CYLC2: variants seen among roughly 807,000 people sequenced by gnomAD.
CYLC2 encodes cylicin 2.
Under a neutral mutation model 26.1 loss-of-function variants are expected in CYLC2, and 30 were observed. That is an observed-to-expected ratio of 1.15 (90% CI 0.86 to 1.56). The LOEUF (loss-of-function observed/expected upper bound fraction) is 1.56, where lower values mean the gene tolerates loss of function less well. Among genes scored for constraint, CYLC2 ranks in the 40% most tolerant of loss-of-function variants. The probability of loss-of-function intolerance (pLI) is 0.00; values close to 1 mark genes in which losing one functional copy is unlikely to be tolerated. For synonymous variants in CYLC2, 158 were observed against 132.8 expected, an observed-to-expected ratio of 1.19 and a Z score of -1.31; for missense variants, 498 against 394.4, an observed-to-expected ratio of 1.26 and a Z score of -2.23.
chr9:103,005,774 G>A lies in CYLC2; in HGVS notation c.*96G>A. ...CAGCTGAATTTGTGAGAAAACAAGAGGCCTCAAAGAATTAAATAATTTTTA... is the reference window on the plus strand; with the variant it reads ...CAGCTGAATTTGTGAGAAAACAAGAAGCCTCAAAGAATTAAATAATTTTTA... On this transcript the variant is annotated 3_prime_UTR_variant, in exon 5 of 8. Transcript: ENST00000374798. 2 of 1,301,978 alleles carry A rather than the reference G, an allele frequency of 1.5e-6. No individual in the cohort carries two copies. The highest frequency in any genetic ancestry group is 1.1e-6 in the Non-Finnish European group (1 of 946,122). The allele number at this position is 1,301,978 out of a possible 1,614,324, so 80.7% of individuals were successfully genotyped here. A position where few individuals can be genotyped will look rare whatever the true frequency, so the allele number is the denominator to read the frequency against.
At chr9:103,004,634 ATTAATACAAAC>A in intron 3 of CYLC2, 50 bp from the exon 4 acceptor site, 1 of 1,173,846 alleles carries the variant, frequency 8.5e-7, no homozygotes, top group Non-Finnish European at 1.2e-6. Flanking sequence ...TTTGGGATAT[ATTAATACAAAC>A]TGTGTTATTC....
chr9:103,014,880 G>A (rs970791042), intron 6 of CYLC2, among the ~76,000 whole-genome samples: 3 of 128,094 alleles, frequency 2.3e-5, no homozygotes, highest in Non-Finnish European at 4.8e-5. Context: ...AATATACTAT[G>A]TATATTATGT....
At chr9:102,998,030 G>A (rs1254396524) in intron 1 of CYLC2, among the ~76,000 whole-genome samples, 1 of 151,682 alleles carries the variant, frequency 6.6e-6, no homozygotes, top group Non-Finnish European at 1.5e-5. Context: ...CTACATTGTT[G>A]ACAATGGGAA....
At chr9:103,013,192 A>G (rs1019063316) in intron 6 of CYLC2, among the ~76,000 whole-genome samples, 11 of 132,644 alleles carry the variant, frequency 8.3e-5, no homozygotes, top group African/African-American at 2.5e-4. Context: ...TATATTATAT[A>G]TAACATATTA....
chr9:103,004,897 T>A, intron 4 of CYLC2, 46 bp downstream of exon 4: 1 of 1,577,830 alleles, frequency 6.3e-7, no homozygotes, highest in Non-Finnish European at 8.6e-7. Context: ...AATTTTCTGA[T>A]TAGATTTCTA....
At chr9:103,014,902 T>C (rs1266771329) in intron 6 of CYLC2, among the ~76,000 whole-genome samples, 1 of 139,164 alleles carries the variant, frequency 7.2e-6, no homozygotes, top group Non-Finnish European at 1.5e-5. Flanking sequence ...ATATACATAA[T>C]ATATGTAATA....
Position 103,005,729 on chromosome 9 carries a change from G to C in CYLC2, c.*51G>C. ...AGAATAATTCAAAAGCATATTTGAT[G>C]AAACAATAGTGGTAGTCTGCAGCTG... On this transcript the variant is annotated 3_prime_UTR_variant, in exon 5 of 8. Transcript: ENST00000374798. 1 of 1,539,152 alleles carries C rather than the reference G, an allele frequency of 6.5e-7. No individual in the cohort carries two copies.
chr9:103,002,356 CCTT>C (rs1829296640), intron 2 of CYLC2, among the ~76,000 whole-genome samples: 3 of 125,820 alleles, frequency 2.4e-5, no homozygotes, highest in East Asian at 2.5e-4. Context: ...GCATTTGCCC[CCTT>C]TTTTTTTTTT....
chr9:103,001,231 T>C (rs1403846300), intron 1 of CYLC2, among the ~76,000 whole-genome samples: 1 of 151,422 alleles, frequency 6.6e-6, no homozygotes, highest in Non-Finnish European at 1.5e-5. Flanking sequence ...AATTCAACTG[T>C]GTTTTTGTAA....
At chr9:103,007,497 A>G (rs1305907526) in intron 5 of CYLC2, among the ~76,000 whole-genome samples, 1 of 152,142 alleles carries the variant, frequency 6.6e-6, no homozygotes, top group African/African-American at 2.4e-5. Context: ...GTAAGAATAT[A>G]TACATAATAT....
At chr9:103,013,321 C>T (rs1189220438) in intron 6 of CYLC2, among the ~76,000 whole-genome samples, 1 of 26,250 alleles carries the variant, frequency 3.8e-5, no homozygotes, top group Admixed American at 6.3e-4. Context: ...TTTATATAAC[C>T]TATATATATT....
chr9:103,007,836 T>C (rs1417300805), intron 5 of CYLC2, among the ~76,000 whole-genome samples: 2 of 152,122 alleles, frequency 1.3e-5, no homozygotes, highest in Non-Finnish European at 2.9e-5. Flanking sequence ...AGAGCTACCT[T>C]CCAAGGAACA....
intron 6 of CYLC2, among the ~76,000 whole-genome samples, chr9:103,015,341 T>C (rs1829488827): frequency 7.8e-6 from 1 of 128,444 alleles, no homozygotes; most frequent in African/African-American, 3.0e-5. Flanking sequence ...TATATTATGT[T>C]ATATATATTA....
chr9:103,014,490 CAATATACATAATATATGT>C (rs1192652376), intron 6 of CYLC2, among the ~76,000 whole-genome samples: 55 of 131,944 alleles, frequency 4.2e-4, no homozygotes, highest in Non-Finnish European at 5.9e-4. Context: ...GTATATTATG[CAATATACATAATATATGT>C]AATATACATA....
chr9:103,002,845 G>T (rs1015524173), intron 2 of CYLC2, among the ~76,000 whole-genome samples: 3 of 152,054 alleles, frequency 2.0e-5, no homozygotes, highest in African/African-American at 7.2e-5. Context: ...AACCTAGACT[G>T]GAAGAGATAG....
intron 1 of CYLC2, among the ~76,000 whole-genome samples, chr9:102,999,367 T>C (rs2118224060): frequency 6.6e-6 from 1 of 152,012 alleles, no homozygotes; most frequent in East Asian, 1.9e-4. Flanking sequence ...TTGGCAGCTT[T>C]AACAGTTATT....
intron 6 of CYLC2, among the ~76,000 whole-genome samples, chr9:103,015,522 T>C (rs1217722226): frequency 1.4e-5 from 2 of 141,580 alleles, no homozygotes; most frequent in Admixed American, 7.6e-5. Flanking sequence ...AATACATGTT[T>C]ATATATAAAT....
At chr9:103,004,264 C>T (rs1309469615) in intron 3 of CYLC2, among the ~76,000 whole-genome samples, 1 of 151,986 alleles carries the variant, frequency 6.6e-6, no homozygotes, top group Non-Finnish European at 1.5e-5. Context: ...ATTCCAGAGA[C>T]TCTGAAAATG....
rs10990424 is a variant in CYLC2 at position 103,005,182 on chromosome 9, G to A, written c.551G>A (p.Gly184Asp). ...SATESEDEKG[G>D]AKKDNKKDKK... ...ACAGAATCTGAAGATGAAAAAGGAG[G>A]TGCAAAGAAAGATAACAAAAAAGAT... Residue 184 changes from glycine to aspartate, a missense_variant, in exon 5 of 8, where the codon GGT (glycine) becomes GAT (aspartate). Physicochemically the swap from Gly to Asp is moderately conservative, Grantham distance 94. Transcript: ENST00000374798. 4.8e-3 allele frequency: 7,774 copies of A among 1,606,448 alleles called. 27 individuals carry two copies. Among genetic ancestry groups the A allele is most frequent in the Non-Finnish European group, 5.8e-3 (6,888 of 1,178,074 alleles).
Sources: gnomAD v4.1 joint callset for allele counts (sites outside exome capture counted in the v4.1 genomes callset) on GRCh38, gnomAD v4.1.1 for gene constraint, MANE v1.5 for transcripts, NCBI Gene and HGNC (gene_info 2026-07-23, HGNC 2026-07-21) for gene names.